The following ZNF229 variants were observed in gnomAD, a reference collection of about 807,000 sequenced individuals.
ZNF229 encodes zinc finger protein 229.
ZNF229 carries 10 observed loss-of-function variants against 11.8 expected under a neutral mutation model. That is an observed-to-expected ratio of 0.85 (90% CI 0.52 to 1.44). ZNF229 has a LOEUF of 1.44. Among genes scored for constraint, ZNF229 ranks in the 40% most tolerant of loss-of-function variants. The pLI is 0.00. For missense variants in ZNF229, 1,045 were observed against 1,015.1 expected (o/e 1.03, Z -0.40); for synonymous variants, 368 against 374.8 (o/e 0.98, Z 0.21).
rs940387309 is a variant in ZNF229 at position 44,447,537 on chromosome 19, T to C, written c.-202A>G. On this transcript the variant is annotated 5_prime_UTR_variant, in exon 2 of 6. Coordinates refer to ENST00000614049, the MANE Select transcript of ZNF229 (RefSeq NM_014518.4). ...CCTGGAGCTCTAGTGTCAAGAGATG[T>C]GGGGTTATTTCTCCTTCTTTTATAC... 6.6e-6 allele frequency: 1 copy of C among 152,106 alleles called. No homozygotes were observed. Among genetic ancestry groups the C allele is most frequent in the Non-Finnish European group, 1.5e-5 (1 of 68,026 alleles). The allele number at this position is 152,106 out of a possible 1,614,324, so 9.4% of individuals were successfully genotyped here. A position where few individuals can be genotyped will look rare whatever the true frequency, so the allele number is the denominator to read the frequency against.
At position 44,432,243 on chromosome 19, in the gene ZNF229, C is replaced by T; in HGVS notation, c.217G>A (p.Val73Met). The change falls in exon 5 of 6, where the codon GTG becomes ATG. Residue 73 changes from valine to methionine, a missense_variant. Val to Met is a conservative substitution (Grantham distance 21). Transcript: ENST00000614049. Reference protein sequence around the residue: ...MQENFRNLLSVGERNPLGDKN... With the variant: ...MQENFRNLLSMGERNPLGDKN... ...TTACCCAGAGGATTCCTCTCACCCACTGAGAGTAGGTTCCTGAAATTCTCC... is the reference window on the plus strand; with the variant it reads ...TTACCCAGAGGATTCCTCTCACCCATTGAGAGTAGGTTCCTGAAATTCTCC... The T allele has an allele frequency of 9.9e-6, 16 of 1,613,584 alleles. No homozygotes were observed. Among genetic ancestry groups the T allele is most frequent in the Non-Finnish European group, 1.4e-5 (16 of 1,179,866 alleles).
At chr19:44,439,854 C>G (rs907917823) in intron 4 of ZNF229, among the ~76,000 whole-genome samples, 2 of 152,134 alleles carry the variant, frequency 1.3e-5, no homozygotes, top group Admixed American at 1.3e-4. Context: ...GTTGGGGGAA[C>G]CTAATTTATT....
Position 44,428,019 on chromosome 19 carries a change from C to T in ZNF229, c.*284G>A, listed in dbSNP as rs1971610346. 9.1e-6 allele frequency: 3 copies of T among 328,556 alleles called. No individual in the cohort carries two copies. Among genetic ancestry groups the T allele is most frequent in the African/African-American group, 4.2e-5 (2 of 47,800 alleles). 20.4% of individuals were successfully genotyped at this position (328,556 alleles called of 1,614,324 possible). A position where few individuals can be genotyped will look rare whatever the true frequency, so the allele number is the denominator to read the frequency against. ...TACATTGTAAAAGCTCCCTCCCAGGCAGATTCTGATGGAAGTGAGGATTAT... is the reference window on the plus strand; with the variant it reads ...TACATTGTAAAAGCTCCCTCCCAGGTAGATTCTGATGGAAGTGAGGATTAT... On this transcript the variant is annotated 3_prime_UTR_variant, in exon 6 of 6. Coordinates refer to ENST00000614049, the MANE Select transcript of ZNF229 (RefSeq NM_014518.4).
At chr19:44,439,491 T>C (rs1479002990) in intron 4 of ZNF229, among the ~76,000 whole-genome samples, 1 of 152,204 alleles carries the variant, frequency 6.6e-6, no homozygotes, top group Non-Finnish European at 1.5e-5. Flanking sequence ...TCGCCCAGGC[T>C]GGAGTGCAGT....
At position 44,429,977 on chromosome 19, in the gene ZNF229, G is replaced by A. The variant is rs187396500; in HGVS notation, c.804C>T (p.Asn268=). 3,094 of 1,613,764 alleles carry A rather than the reference G, an allele frequency of 1.9e-3. 3 individuals are homozygous for A. The highest frequency in any genetic ancestry group is 2.5e-3 in the Non-Finnish European group (2,920 of 1,179,776). ...INPGENGLKS[N]EYRNGFRDDA... is the part of the protein sequence containing the mutation. ...CGTCCCTGAAGCCATTTCTGTATTC[G>A]TTACTTTTCAAGCCATTCTCTCCAG... The change falls in exon 6 of 6, where the codon AAC becomes AAT. Residue 268 remains asparagine, a synonymous_variant. Transcript: ENST00000614049.
At position 44,428,516 on chromosome 19, in the gene ZNF229, A is replaced by C. The variant is rs747949513; in HGVS notation, c.2265T>G (p.Leu755=). The change falls in exon 6 of 6, where the codon CTT becomes CTG. Residue 755 remains leucine (L), a synonymous_variant. Transcript: ENST00000614049. ...CGKGYSQSSH[L]QGHQRVHTGE... is the part of the protein sequence containing the mutation. ...CAGTGTGGACCCTCTGATGACCTTG[A>C]AGATGTGAGCTCTGACTATAGCCCT... 6.2e-7 allele frequency: 1 copy of C among 1,609,850 alleles called. No individual in the cohort carries two copies. The highest frequency in any genetic ancestry group is 8.5e-7 in the Non-Finnish European group (1 of 1,178,510).
rs771348492 is a variant in ZNF229, at chr19:44,428,326, A to C, written c.2455T>G (p.Leu819Val). The change falls in exon 6 of 6, where the codon TTA (leucine) becomes GTA (valine). Residue 819 changes from leucine to valine, a missense_variant. Coordinates refer to ENST00000614049, the MANE Select transcript of ZNF229 (RefSeq NM_014518.4). Reference sequence around the variant, plus strand: ...ATCTACTTATAAGGGTTCTCGCCTAAATGCACTCTTTGGTGGTTCCGCAGA... The same window carrying C: ...ATCTACTTATAAGGGTTCTCGCCTACATGCACTCTTTGGTGGTTCCGCAGA... ...SGLRNHQRVHLGENPYK is the reference protein window; with the variant it reads ...SGLRNHQRVHVGENPYK The C allele has an allele frequency of 1.9e-5, 31 of 1,612,510 alleles. No individual in the cohort carries two copies. Among genetic ancestry groups the C allele is most frequent in the Non-Finnish European group, 2.6e-5 (31 of 1,178,892 alleles).
At chr19:44,436,215 A>G (rs1294962936) in intron 4 of ZNF229, among the ~76,000 whole-genome samples, 1 of 152,142 alleles carries the variant, frequency 6.6e-6, no homozygotes, top group African/African-American at 2.4e-5. Context: ...TCTACAAAAA[A>G]TAGAAAAAGT....
intron 5 of ZNF229, 28 bp downstream of exon 5, chr19:44,432,194 A>C (rs1971734668): frequency 6.3e-7 from 1 of 1,591,038 alleles, no homozygotes. Context: ...AGGAACAAGA[A>C]CACTCCAAGA....
chr19:44,433,132 C>T (rs1447874660), intron 4 of ZNF229, among the ~76,000 whole-genome samples: 1 of 151,990 alleles, frequency 6.6e-6, no homozygotes, highest in Admixed American at 6.6e-5. Flanking sequence ...CAGCTCACTG[C>T]AGCCTCAATC....
Position 44,426,808 on chromosome 19 carries a change from C to T in ZNF229, c.*1495G>A, listed in dbSNP as rs368063550. ...AAAGGTTATAGAAATTGAATTGATA[C>T]GTTAATGAATTCTTTTGAAAACAAT... On this transcript the variant is annotated 3_prime_UTR_variant, in exon 6 of 6. Transcript: ENST00000614049. The T allele has an allele frequency of 1.6e-4, 24 of 152,236 alleles. No homozygotes were observed. In the East Asian group the frequency reaches 1.7e-3, roughly 11 times the overall value. The allele number at this position is 152,236 out of a possible 1,614,324, so 9.4% of individuals were successfully genotyped here.
chr19:44,427,926 G>T lies in ZNF229; in HGVS notation c.*377C>A. The T allele has an allele frequency of 5.5e-6, 1 of 180,448 alleles. No homozygotes were observed. 11.2% of individuals were successfully genotyped at this position (180,448 alleles called of 1,614,324 possible). Reference sequence around the variant, plus strand: ...AAACTTGTTTCTACACTGTCCCATTGGTAGCTATCAACCCACACAAAGAAT... The same window carrying T: ...AAACTTGTTTCTACACTGTCCCATTTGTAGCTATCAACCCACACAAAGAAT... On this transcript the variant is annotated 3_prime_UTR_variant, in exon 6 of 6. Coordinates refer to ENST00000614049, the MANE Select transcript of ZNF229 (RefSeq NM_014518.4).
intron 5 of ZNF229, chr19:44,432,009 G>A: frequency 1.1e-6 from 1 of 946,608 alleles, no homozygotes; most frequent in South Asian, 2.3e-5. Flanking sequence ...CTGACAGAGG[G>A]TCCTCACCAG....
rs1434909569 is a variant in ZNF229 at position 44,428,191 on chromosome 19, A to G, written c.*112T>C. On this transcript the variant is annotated 3_prime_UTR_variant, in exon 6 of 6. Transcript: ENST00000614049. Reference sequence around the variant, plus strand: ...TATGCAGACTAGAAAATGTAAAATCATCAGTTTCTCCTATAGCCCTCCTAC... The same window carrying G: ...TATGCAGACTAGAAAATGTAAAATCGTCAGTTTCTCCTATAGCCCTCCTAC... The G allele has an allele frequency of 8.3e-7, 1 of 1,209,898 alleles. No homozygotes were observed. The highest frequency in any genetic ancestry group is 1.5e-5 in the African/African-American group (1 of 65,550). 74.9% of individuals were successfully genotyped at this position (1,209,898 alleles called of 1,614,324 possible).
chr19:44,444,360 T>C (rs528504633), intron 2 of ZNF229, among the ~76,000 whole-genome samples: 2 of 151,588 alleles, frequency 1.3e-5, no homozygotes, highest in Non-Finnish European at 2.9e-5. Flanking sequence ...ATCTCCTTCT[T>C]TCCTCTAACC....
rs1187894077 is a variant in ZNF229, at chr19:44,429,610, T to G, written c.1171A>C (p.Asn391His). 1 of 1,613,920 alleles carries G rather than the reference T, an allele frequency of 6.2e-7. No individual in the cohort carries two copies. Among genetic ancestry groups the G allele is most frequent in the Admixed American group, 1.7e-5 (1 of 60,004 alleles). Residue 391 changes from asparagine to histidine, a missense_variant, in exon 6 of 6, where the codon AAC (asparagine) becomes CAC (histidine). By Grantham distance (68) the Asn-to-His change is moderately conservative. Coordinates refer to ENST00000614049, the MANE Select transcript of ZNF229 (RefSeq NM_014518.4). ...TGGACCCTCTGATGGACAAGCAGGT[T>G]TGAACTTCGACCAAATGCCTTCCCA... ...ECGKAFGRSS[N>H]LLVHQRVHTG...
chr19:44,428,632 A>G lies in ZNF229; in HGVS notation c.2149T>C (p.Cys717Arg). ...TGEKPYTCCE[C>R]GKGFRYGSGL... ...GAGCCATATCTGAAACCCTTCCCAC[A>G]TTCACAACAAGTGTAGGGTTTCTCT... Residue 717 changes from cysteine to arginine, a missense_variant, in exon 6 of 6, where the codon TGT (cysteine) becomes CGT (arginine). Cys to Arg is a radical substitution (Grantham distance 180). Transcript: ENST00000614049. The G allele has an allele frequency of 6.2e-7, 1 of 1,613,984 alleles. No homozygotes were observed.
intron 2 of ZNF229, among the ~76,000 whole-genome samples, chr19:44,446,366 A>G (rs2722698): frequency 0.2 from 30,333 of 152,212 alleles, 3,147 homozygotes; most frequent in East Asian, 0.35. Context: ...AACTGGAGTT[A>G]TCAAAAGGTT....
chr19:44,440,243 A>C (rs1971884740), intron 4 of ZNF229, among the ~76,000 whole-genome samples: 1 of 152,174 alleles, frequency 6.6e-6, no homozygotes, highest in South Asian at 2.1e-4. Flanking sequence ...AAGAACTGTA[A>C]AACAGGACAG....
Sources: gnomAD v4.1 joint callset for allele counts (sites outside exome capture counted in the v4.1 genomes callset) on GRCh38, gnomAD v4.1.1 for gene constraint, MANE v1.5 for transcripts, NCBI Gene and HGNC (gene_info 2026-07-23, HGNC 2026-07-21) for gene names.